ARRDC4: variants seen among roughly 807,000 people sequenced by gnomAD.
ARRDC4 encodes arrestin domain containing 4.
In ARRDC4, 40 loss-of-function variants were observed where a neutral mutation model predicts 44.6. That is an observed-to-expected ratio of 0.90 (90% CI 0.70 to 1.17). ARRDC4 has a LOEUF of 1.17. ARRDC4 is among the 50% of genes most tolerant of loss of function. The pLI, the probability that ARRDC4 is intolerant of heterozygous loss-of-function variation, is 0.00. For missense variants in ARRDC4, 550 were observed against 559.1 expected (o/e 0.98, Z 0.16); for synonymous variants, 211 against 221.2 (o/e 0.95, Z 0.41).
At position 97,966,499 on chromosome 15, in the gene ARRDC4, T is replaced by A. The variant is rs117439296; in HGVS notation, c.522+457T>A. Among the ~76,000 whole-genome samples, 251 of 152,304 alleles carry A rather than the reference T, an allele frequency of 1.6e-3. 6 individuals carry two copies. The East Asian group carries it at 0.042, about 26-fold the overall frequency. ...GAAGCTCAGGCCATTATGCTATGTA[T>A]CCTTCCATTTTGCATGTCATTTTCT... On this transcript the variant is annotated intron_variant, in intron 3 of 7. Transcript: ENST00000268042. The surrounding 1 kb of genome is among the most constrained non-coding windows in gnomAD (Gnocchi z 4.7).
Position 97,970,687 on chromosome 15 carries a change from C to T in ARRDC4, c.1144C>T (p.Pro382Ser), listed in dbSNP as rs553267091. ...PPNCEGEVCC[P>S]VFACIQEFRF... ...TAACTGTGAGGGAGAAGTGTGCTGT[C>T]CTGTGTTTGCCTGTATACAAGAATT... The change falls in exon 7 of 8, where the codon CCT becomes TCT. Residue 382 changes from proline (P) to serine (S), a missense_variant. Transcript: ENST00000268042. The surrounding 1 kb of genome is among the most constrained non-coding windows in gnomAD (Gnocchi z 4.2). 6.2e-7 allele frequency: 1 copy of T among 1,613,562 alleles called. No individual in the cohort carries two copies. Among genetic ancestry groups the T allele is most frequent in the African/African-American group, 1.3e-5 (1 of 74,998 alleles).
At position 97,960,851 on chromosome 15, in the gene ARRDC4, C is replaced by T; in HGVS notation, c.-11C>T. On this transcript the variant is annotated 5_prime_UTR_variant, in exon 1 of 8. Coordinates refer to ENST00000268042, the MANE Select transcript of ARRDC4 (RefSeq NM_183376.3). Reference sequence around the variant, plus strand: ...GCCGACCTCAGGGGCAGGAAAGAGTCGCCCGGCGGGATGGGCGGGGAGGCT... The same window carrying T: ...GCCGACCTCAGGGGCAGGAAAGAGTTGCCCGGCGGGATGGGCGGGGAGGCT... 2.2e-6 allele frequency: 3 copies of T among 1,338,378 alleles called. No homozygotes were observed. In the South Asian group the frequency reaches 5.9e-5, roughly 26 times the overall value. The allele number at this position is 1,338,378 out of a possible 1,614,324, so 82.9% of individuals were successfully genotyped here.
Position 97,967,881 on chromosome 15 carries a change from G to A in ARRDC4, c.523-133G>A. 1 of 513,386 alleles carries A rather than the reference G, an allele frequency of 1.9e-6. No individual in the cohort carries two copies. Among genetic ancestry groups the A allele is most frequent in the Non-Finnish European group, 3.3e-6 (1 of 302,084 alleles). 31.8% of individuals were successfully genotyped at this position (513,386 alleles called of 1,614,324 possible). A position where few individuals can be genotyped will look rare whatever the true frequency, so the allele number is the denominator to read the frequency against. On this transcript the variant is annotated intron_variant, in intron 3 of 7. Coordinates refer to ENST00000268042, the MANE Select transcript of ARRDC4 (RefSeq NM_183376.3). The surrounding 1 kb of genome is among the most constrained non-coding windows in gnomAD (Gnocchi z 5.0). ...GCATATTTGGCCTAATATGTTACAT[G>A]AGGATAAGAAAGTTTGATTCATTTT...
Position 97,973,131 on chromosome 15 carries a change from GT to G in ARRDC4, c.*1946del, listed in dbSNP as rs1899543256. 6.6e-6 allele frequency: 1 copy of G among 152,208 alleles called. No homozygotes were observed. Among genetic ancestry groups the G allele is most frequent in the African/African-American group, 2.4e-5 (1 of 41,434 alleles). The allele number at this position is 152,208 out of a possible 1,614,324, so 9.4% of individuals were successfully genotyped here. Reference sequence around the variant, plus strand: ...TCTTCAACTGTTTATTGACTTCTGAGTTATATAGTTCATGCCCTGCCAAGGC... The same window carrying G: ...TCTTCAACTGTTTATTGACTTCTGAGTATATAGTTCATGCCCTGCCAAGGC... On this transcript the variant is annotated 3_prime_UTR_variant, in exon 8 of 8. Transcript: ENST00000268042.
Position 97,965,739 on chromosome 15 carries a change from C to G in ARRDC4, c.374+73C>G. 1 of 1,499,798 alleles carries G rather than the reference C, an allele frequency of 6.7e-7. No homozygotes were observed. Among genetic ancestry groups the G allele is most frequent in the Non-Finnish European group, 9.3e-7 (1 of 1,076,668 alleles). 92.9% of individuals were successfully genotyped at this position (1,499,798 alleles called of 1,614,324 possible). On this transcript the variant is annotated intron_variant, in intron 2 of 7. Coordinates refer to ENST00000268042, the MANE Select transcript of ARRDC4 (RefSeq NM_183376.3). This position sits in a 1 kb window ranked among gnomAD's most constrained non-coding sequence, Gnocchi z 5.1. ...CCATTCAAGTTTATCACTGCTAGGT[C>G]TCTTCTGATTCTCAAGTATGCATGT...
chr15:97,963,628 G>C (rs937980540), intron 1 of ARRDC4, among the ~76,000 whole-genome samples: 3 of 151,984 alleles, frequency 2.0e-5, no homozygotes, highest in Admixed American at 6.6e-5. Flanking sequence ...GAAGATGTCG[G>C]GCCCACCCAT....
rs1899536596 is a variant in ARRDC4 at position 97,972,708 on chromosome 15, G to A, written c.*1521G>A. On this transcript the variant is annotated 3_prime_UTR_variant, in exon 8 of 8. Coordinates refer to ENST00000268042, the MANE Select transcript of ARRDC4 (RefSeq NM_183376.3). This position sits in a 1 kb window ranked among gnomAD's most constrained non-coding sequence, Gnocchi z 5.3. Reference sequence around the variant, plus strand: ...CCTGGTGCTTCCCCTGCAGAATACTGTACTTCATTTAACAGAATGATTGAT... The same window carrying A: ...CCTGGTGCTTCCCCTGCAGAATACTATACTTCATTTAACAGAATGATTGAT... The A allele has an allele frequency of 6.6e-6, 1 of 152,540 alleles. No individual in the cohort carries two copies. The highest frequency in any genetic ancestry group is 1.5e-5 in the Non-Finnish European group (1 of 68,020). The allele number at this position is 152,540 out of a possible 1,614,324, so 9.4% of individuals were successfully genotyped here.
In ARRDC4 at chr15:97,972,517, C is replaced by G. The variant is rs886146013; in HGVS notation, c.*1330C>G. On this transcript the variant is annotated 3_prime_UTR_variant, in exon 8 of 8. Coordinates refer to ENST00000268042, the MANE Select transcript of ARRDC4 (RefSeq NM_183376.3). The surrounding 1 kb of genome is among the most constrained non-coding windows in gnomAD (Gnocchi z 5.3). ...CAGTGTTTTACCGTCCCCAGCCCCCCTCCCACATGGTCACATGTTCACTTG... is the reference window on the plus strand; with the variant it reads ...CAGTGTTTTACCGTCCCCAGCCCCCGTCCCACATGGTCACATGTTCACTTG... 1.6e-4 allele frequency: 25 copies of G among 152,590 alleles called. No homozygotes were observed. Among genetic ancestry groups the G allele is most frequent in the African/African-American group, 5.6e-4 (23 of 41,440 alleles). The allele number at this position is 152,590 out of a possible 1,614,324, so 9.5% of individuals were successfully genotyped here.
In ARRDC4 at chr15:97,965,622, G is replaced by T. The variant is rs746769427; in HGVS notation, c.330G>T (p.Gln110His). The part of the protein sequence containing the change: ...PPAGEGIILL[Q>H]PGKHEFPFRF... Reference sequence around the variant, plus strand: ...TAGGTGAAGGCATCATTTTATTACAGCCTGGAAAACATGAATTTCCATTTC... The same window carrying T: ...TAGGTGAAGGCATCATTTTATTACATCCTGGAAAACATGAATTTCCATTTC... The change falls in exon 2 of 8, where the codon CAG becomes CAT. Residue 110 changes from glutamine (Q) to histidine (H), a missense_variant. Coordinates refer to ENST00000268042, the MANE Select transcript of ARRDC4 (RefSeq NM_183376.3). This position sits in a 1 kb window ranked among gnomAD's most constrained non-coding sequence, Gnocchi z 5.1. The T allele has an allele frequency of 1.9e-6, 3 of 1,612,932 alleles. No individual in the cohort carries two copies. The South Asian group carries it at 3.3e-5, about 18-fold the overall frequency.
At chr15:97,963,259 G>A (rs757711578) in intron 1 of ARRDC4, among the ~76,000 whole-genome samples, 3 of 152,200 alleles carry the variant, frequency 2.0e-5, no homozygotes, top group Non-Finnish European at 2.9e-5. Context: ...AATAATGAGC[G>A]GTTGGTGCAG....
Position 97,960,779 on chromosome 15 carries a change from C to A in ARRDC4, c.-83C>A. 4 of 1,212,910 alleles carry A rather than the reference C, an allele frequency of 3.3e-6. No individual in the cohort carries two copies. In the South Asian group the frequency reaches 1.3e-4, roughly 40 times the overall value. 75.1% of individuals were successfully genotyped at this position (1,212,910 alleles called of 1,614,324 possible). A position where few individuals can be genotyped will look rare whatever the true frequency, so the allele number is the denominator to read the frequency against. ...GGCGGCCTTACCCTGCCGCGAGCGC[C>A]TGTGACAGCGGCGCCGCTGTGCTCG... On this transcript the variant is annotated 5_prime_UTR_variant, in exon 1 of 8. The change creates a new upstream start codon in the 5' untranslated region. Coordinates refer to ENST00000268042, the MANE Select transcript of ARRDC4 (RefSeq NM_183376.3).
At position 97,969,088 on chromosome 15, in the gene ARRDC4, T is replaced by C. The variant is rs192437210; in HGVS notation, c.626-35T>C. The C allele has an allele frequency of 2.4e-5, 38 of 1,602,540 alleles. No homozygotes were observed. The East Asian group carries it at 7.4e-4, about 31-fold the overall frequency. On this transcript the variant is annotated intron_variant, in intron 4 of 7. Transcript: ENST00000268042. ...ATTGTGGTGAGAACTTTTTCAAGAG[T>C]CTCTGAATCCTCCCTGGTTTTGTTT...
At position 97,971,378 on chromosome 15, in the gene ARRDC4, T is replaced by C. The variant is rs1899512232; in HGVS notation, c.*191T>C. On this transcript the variant is annotated 3_prime_UTR_variant, in exon 8 of 8. Transcript: ENST00000268042. ...AGGATTGCCGCACAAGTTTATATGA[T>C]GGTCGTATATATATCCCTGTTAAAA... is the stretch of plus-strand genomic sequence containing the variant. 2 of 586,450 alleles carry C rather than the reference T, an allele frequency of 3.4e-6. No individual in the cohort carries two copies. The highest frequency in any genetic ancestry group is 3.0e-6 in the Non-Finnish European group (1 of 330,870). 36.3% of individuals were successfully genotyped at this position (586,450 alleles called of 1,614,324 possible). A position where few individuals can be genotyped will look rare whatever the true frequency, so the allele number is the denominator to read the frequency against.
At chr15:97,962,103 A>G (rs1335823621) in intron 1 of ARRDC4, among the ~76,000 whole-genome samples, 1 of 152,196 alleles carries the variant, frequency 6.6e-6, no homozygotes, top group Non-Finnish European at 1.5e-5. Flanking sequence ...TATCTATCAA[A>G]TAAAACAATG....
At position 97,960,904 on chromosome 15, in the gene ARRDC4, G is replaced by C; in HGVS notation, c.43G>C (p.Gly15Arg). The C allele has an allele frequency of 7.0e-7, 1 of 1,430,184 alleles. No individual in the cohort carries two copies. The allele number at this position is 1,430,184 out of a possible 1,614,324, so 88.6% of individuals were successfully genotyped here. A position where few individuals can be genotyped will look rare whatever the true frequency, so the allele number is the denominator to read the frequency against. The part of the protein sequence containing the change: ...AGCAAAVGAE[G>R]RVKSLGLVFE... ...GTGCGCGGCGGCCGTGGGTGCCGAG[G>C]GCCGCGTGAAGAGCCTGGGTCTGGT... is the stretch of plus-strand genomic sequence containing the variant. The change falls in exon 1 of 8, where the codon GGC (glycine) becomes CGC (arginine). Residue 15 changes from glycine (G) to arginine (R), a missense_variant. Coordinates refer to ENST00000268042, the MANE Select transcript of ARRDC4 (RefSeq NM_183376.3).
Position 97,969,980 on chromosome 15 carries a change from G to T in ARRDC4, c.980G>T (p.Ser327Ile), listed in dbSNP as rs746824267. The T allele has an allele frequency of 6.2e-7, 1 of 1,612,938 alleles. No individual in the cohort carries two copies. Among genetic ancestry groups the T allele is most frequent in the African/African-American group, 1.3e-5 (1 of 74,714 alleles). Residue 327 changes from serine to isoleucine, a missense_variant, in exon 6 of 8, where the codon AGC becomes ATC. Physicochemically the swap from Ser to Ile is moderately radical, Grantham distance 142. Coordinates refer to ENST00000268042, the MANE Select transcript of ARRDC4 (RefSeq NM_183376.3). ...AATGGTTTTGGCAGCAGAAACTCCAGCATTGCCAGCCAGTTCAGTATGGAT... is the reference window on the plus strand; with the variant it reads ...AATGGTTTTGGCAGCAGAAACTCCATCATTGCCAGCCAGTTCAGTATGGAT... ...PYNGFGSRNS[S>I]IASQFSMDMS...
At position 97,973,681 on chromosome 15, in the gene ARRDC4, T is replaced by C. The variant is rs1157726623; in HGVS notation, c.*2494T>C. 2 of 152,558 alleles carry C rather than the reference T, an allele frequency of 1.3e-5. No individual in the cohort carries two copies. The highest frequency in any genetic ancestry group is 2.9e-5 in the Non-Finnish European group (2 of 67,994). The allele number at this position is 152,558 out of a possible 1,614,324, so 9.5% of individuals were successfully genotyped here. A position where few individuals can be genotyped will look rare whatever the true frequency, so the allele number is the denominator to read the frequency against. On this transcript the variant is annotated 3_prime_UTR_variant, in exon 8 of 8. Coordinates refer to ENST00000268042, the MANE Select transcript of ARRDC4 (RefSeq NM_183376.3). ...TTTTGTTTTGCACAGTAAGAAACAA[T>C]AGGCAAGCGTTATGTTTTTGGTAAG... is the stretch of plus-strand genomic sequence containing the variant.
intron 1 of ARRDC4, among the ~76,000 whole-genome samples, chr15:97,961,908 G>A (rs1019975962): frequency 1.3e-5 from 2 of 152,126 alleles, no homozygotes; most frequent in African/African-American, 4.8e-5. Flanking sequence ...TCACTTTGGT[G>A]AAGTCCAGTT....
chr15:97,963,504 C>G (rs1206677501), intron 1 of ARRDC4, among the ~76,000 whole-genome samples: 1 of 152,190 alleles, frequency 6.6e-6, no homozygotes, highest in Non-Finnish European at 1.5e-5. Flanking sequence ...CTCTCATTCT[C>G]TTCAGTATCC....
Sources: gnomAD v4.1 joint callset for allele counts (sites outside exome capture counted in the v4.1 genomes callset) on GRCh38, gnomAD v4.1.1 for gene constraint, Gnocchi (gnomAD v3.1) non-coding constraint, MANE v1.5 for transcripts, NCBI Gene and HGNC (gene_info 2026-07-23, HGNC 2026-07-21) for gene names.